Variants in BRSK2 observed in about 807,000 individuals in gnomAD.
BRSK2 encodes BR serine/threonine kinase 2.
In BRSK2, 19 loss-of-function variants were observed where a neutral mutation model predicts 83.3. The observed-to-expected ratio is 0.23, with a 90% CI of 0.16 to 0.33. BRSK2 has a LOEUF of 0.33. BRSK2 is among the 10% of genes least tolerant of loss of function. BRSK2 has a pLI of 1.00. For missense variants in BRSK2, 798 were observed against 1,042.3 expected, an observed-to-expected ratio of 0.77 and a Z score of 3.23; for synonymous variants, 519 against 435.4, an observed-to-expected ratio of 1.19 and a Z score of -2.39.
intron 1 of BRSK2, among the ~76,000 whole-genome samples, chr11:1,403,417 T>C (rs1338528756): frequency 6.7e-6 from 1 of 149,476 alleles, no homozygotes; most frequent in Non-Finnish European, 1.5e-5. Context: ...GGTGCTGGGG[T>C]TGGAGCTGAA....
At chr11:1,420,190 C>T (rs1324207168) in intron 1 of BRSK2, among the ~76,000 whole-genome samples, 2 of 152,228 alleles carry the variant, frequency 1.3e-5, no homozygotes, top group African/African-American at 4.8e-5. Flanking sequence ...GTGTGATGGC[C>T]TAATGGGCAG....
chr11:1,443,109 C>A lies in BRSK2; in HGVS notation c.534C>A (p.Ser178=). 1 of 1,535,098 alleles carries A rather than the reference C, an allele frequency of 6.5e-7. No homozygotes were observed. The highest frequency in any genetic ancestry group is 1.2e-5 in the South Asian group (1 of 83,856). The change falls in exon 6 of 20, where the codon TCC becomes TCA. Residue 178 remains serine, a synonymous_variant. Transcript: ENST00000528841. The part of the protein sequence containing the change: ...GDSLLETSCG[S]PHYACPEVIR... ...TGACCTCTGCCCTTGCCCGCAGGTC[C>A]CCCCACTACGCCTGCCCCGAGGTGA...
At chr11:1,413,013 C>T (rs1847708748) in intron 1 of BRSK2, among the ~76,000 whole-genome samples, 1 of 152,172 alleles carries the variant, frequency 6.6e-6, no homozygotes, top group South Asian at 2.1e-4. Context: ...CCCCCGGCAC[C>T]CCAGGCCCTG....
chr11:1,445,993 C>T, intron 12 of BRSK2, 86 bp downstream of exon 12: 2 of 1,478,728 alleles, frequency 1.4e-6, no homozygotes. Flanking sequence ...ACCCATTGGC[C>T]TGGGGTCTCG....
intron 12 of BRSK2, among the ~76,000 whole-genome samples, chr11:1,448,652 A>G (rs1292558813): frequency 6.6e-6 from 1 of 152,056 alleles, no homozygotes; most frequent in Non-Finnish European, 1.5e-5. Flanking sequence ...TGCTGCCCCC[A>G]TGAGGGCTGT....
At chr11:1,456,284 C>T (rs1416508214) in intron 16 of BRSK2, 64 bp from the exon 17 acceptor site, 4 of 1,461,322 alleles carry the variant, frequency 2.7e-6, no homozygotes, top group African/African-American at 1.4e-5. Flanking sequence ...CCAGGGCTGC[C>T]TCCCCAGAGG....
intron 1 of BRSK2, among the ~76,000 whole-genome samples, chr11:1,398,011 C>T (rs964199215): frequency 5.9e-5 from 9 of 152,212 alleles, no homozygotes; most frequent in Non-Finnish European, 1.2e-4. Flanking sequence ...GGCGCCTGGA[C>T]GGCTGCCTGC....
intron 18 of BRSK2, 87 bp downstream of exon 18, chr11:1,456,774 C>T (rs1305133979): frequency 1.1e-5 from 16 of 1,407,156 alleles, no homozygotes; most frequent in South Asian, 5.1e-5. Flanking sequence ...CGTGAGGACC[C>T]GGGCGCAGCC....
chr11:1,393,489 C>T (rs1845857870), intron 1 of BRSK2, among the ~76,000 whole-genome samples: 1 of 152,152 alleles, frequency 6.6e-6, no homozygotes, highest in Non-Finnish European at 1.5e-5. Context: ...ATAGGGCTCC[C>T]TGCGAGGGAA....
chr11:1,458,151 C>T (rs1160408471), intron 18 of BRSK2, among the ~76,000 whole-genome samples: 1 of 152,098 alleles, frequency 6.6e-6, no homozygotes, highest in Non-Finnish European at 1.5e-5. Context: ...AAACGGGCCC[C>T]GGGGTACTGC....
At chr11:1,459,392 T>A in intron 19 of BRSK2, 153 bp downstream of exon 19, 1 of 837,132 alleles carries the variant, frequency 1.2e-6, no homozygotes, top group Non-Finnish European at 2.0e-6. Context: ...CCCCATCCTC[T>A]ACCAGGAGCA....
chr11:1,462,459 C>G lies in BRSK2; in HGVS notation c.*1736C>G, dbSNP rs996196439. ...AGGCTGGGATTTCTATACATAAGAA[C>G]AAAAGCAAACACCTAGGACAGCAAA... is the stretch of plus-strand genomic sequence containing the variant. On this transcript the variant is annotated 3_prime_UTR_variant, in exon 20 of 20. Transcript: ENST00000528841. 6.6e-6 allele frequency: 1 copy of G among 152,274 alleles called. No individual in the cohort carries two copies. The highest frequency in any genetic ancestry group is 1.5e-5 in the Non-Finnish European group (1 of 68,060). 9.4% of individuals were successfully genotyped at this position (152,274 alleles called of 1,614,324 possible).
chr11:1,411,705 C>T, intron 1 of BRSK2: 1 of 1,528,580 alleles, frequency 6.5e-7, no homozygotes. Context: ...GGGATGCAGC[C>T]CCCACGGCAG....
At chr11:1,458,907 C>CCAGGCT (rs888669849) in intron 18 of BRSK2, among the ~76,000 whole-genome samples, 6 of 152,186 alleles carry the variant, frequency 3.9e-5, no homozygotes, top group Non-Finnish European at 7.4e-5. Context: ...CCGGCCATAT[C>CCAGGCT]CAGGCTCAGG....
intron 18 of BRSK2, 121 bp from the exon 19 acceptor site, chr11:1,459,071 T>C (rs1590723556): frequency 1.3e-4 from 56 of 447,380 alleles, no homozygotes; most frequent in Middle Eastern, 7.7e-4. Flanking sequence ...CACCCATGCC[T>C]CTGGGGCCCT....
chr11:1,421,538 A>G lies in BRSK2; in HGVS notation c.92-14502A>G, dbSNP rs151059829. ...TTCAGGGTGGCACGAATTTAACTAG[A>G]GAGGTTCTTTTCCAACGTGAGCAGT... On this transcript the variant is annotated intron_variant, in intron 1 of 19. Transcript: ENST00000528841. 5.5e-3 allele frequency among the ~76,000 whole-genome samples: 842 copies of G among 152,252 alleles called. 36 individuals are homozygous for G. Among genetic ancestry groups the G allele is most frequent in the Admixed American group, 0.046 (703 of 15,294 alleles).
At chr11:1,407,242 G>A (rs1390812079) in intron 1 of BRSK2, among the ~76,000 whole-genome samples, 1 of 152,140 alleles carries the variant, frequency 6.6e-6, no homozygotes, top group Non-Finnish European at 1.5e-5. Context: ...TGAGCTTGGT[G>A]TGGGTCACCG....
At chr11:1,453,667 G>A (rs2133229330) in intron 15 of BRSK2, among the ~76,000 whole-genome samples, 1 of 152,386 alleles carries the variant, frequency 6.6e-6, no homozygotes, top group South Asian at 2.1e-4. Flanking sequence ...AATGGGCAAG[G>A]GAAAGGGGAG....
chr11:1,443,124 C>T lies in BRSK2; in HGVS notation c.549C>T (p.Cys183=), dbSNP rs1287994010. The T allele has an allele frequency of 4.6e-6, 7 of 1,536,248 alleles. No individual in the cohort carries two copies. Among genetic ancestry groups the T allele is most frequent in the Non-Finnish European group, 6.1e-6 (7 of 1,146,234 alleles). The change falls in exon 6 of 20, where the codon TGC becomes TGT. Residue 183 remains cysteine, a synonymous_variant. Transcript: ENST00000528841. ...ETSCGSPHYA[C]PEVIRGEKYD... The stretch of plus-strand genomic sequence containing the variant: ...CCCGCAGGTCCCCCCACTACGCCTG[C>T]CCCGAGGTGATCCGGGTGAGTCAGC...
Sources: allele counts gnomAD v4.1 joint callset (sites outside exome capture counted in the v4.1 genomes callset), GRCh38; gene constraint gnomAD v4.1.1; transcripts MANE v1.5; gene names NCBI Gene and HGNC (gene_info 2026-07-23, HGNC 2026-07-21).